Variants in CASK observed in about 807,000 individuals in gnomAD.
CASK encodes calcium/calmodulin dependent serine protein kinase, also known as peripheral plasma membrane protein CASK.
Under a neutral mutation model 82.9 loss-of-function variants are expected in CASK, and 4 were observed. The observed-to-expected ratio is 0.05, with a 90% confidence interval of 0.02 to 0.11. CASK has a LOEUF of 0.11. Among genes scored for constraint, CASK ranks in the 10% least tolerant of loss-of-function variants. The pLI, the probability that CASK is intolerant of heterozygous loss-of-function variation, is 1.00. For missense variants in CASK, 358 were observed against 720.9 expected (o/e 0.50, Z 5.76); for synonymous variants, 259 against 253.5 (o/e 1.02, Z -0.20).
chrX:41,696,125 G>A (rs1314825897), intron 5 of CASK: 8 of 1,204,814 alleles, frequency 6.6e-6, no homozygotes, highest in Non-Finnish European at 9.0e-6. Flanking sequence ...AGCAACGGAA[G>A]GCAATAACAA....
intron 22 of CASK, among the ~76,000 whole-genome samples, chrX:41,538,642 T>G (rs1367738720): frequency 8.9e-6 from 1 of 112,356 alleles, no homozygotes; most frequent in African/African-American, 3.2e-5. Flanking sequence ...TTGCTCATAT[T>G]ACCCTGATTT....
chrX:41,607,422 A>G (rs145687428), intron 12 of CASK, among the ~76,000 whole-genome samples: 191 of 112,668 alleles, frequency 1.7e-3, no homozygotes, highest in African/African-American at 6.0e-3. Context: ...CTACCTGGCA[A>G]TGACCTAAGC....
intron 8 of CASK, among the ~76,000 whole-genome samples, chrX:41,658,106 T>C (rs1441366967): frequency 8.9e-6 from 1 of 111,929 alleles, no homozygotes; most frequent in Non-Finnish European, 1.9e-5. Context: ...CTGGAAGGTG[T>C]TGTGCCTGGG....
chrX:41,676,619 G>T, intron 5 of CASK: 1 of 505,305 alleles, frequency 2.0e-6, no homozygotes, highest in South Asian at 3.3e-5. Flanking sequence ...GTTTTATGTT[G>T]AGCGAGATGG....
At chrX:41,736,096 GA>G (rs756757060) in intron 5 of CASK, among the ~76,000 whole-genome samples, 1 of 111,953 alleles carries the variant, frequency 8.9e-6, no homozygotes, top group Non-Finnish European at 1.9e-5. Context: ...TCTTTTGGAT[GA>G]ATGTCTTAAG....
intron 3 of CASK, among the ~76,000 whole-genome samples, chrX:41,762,682 G>C (rs1178445437): frequency 9.0e-6 from 1 of 111,304 alleles, no homozygotes; most frequent in Non-Finnish European, 1.9e-5. Context: ...TGGCCTCTAT[G>C]ACTCTCAGCT....
chrX:41,539,162 C>T (rs909265598), intron 22 of CASK, among the ~76,000 whole-genome samples: 8 of 111,900 alleles, frequency 7.1e-5, no homozygotes, highest in East Asian at 2.8e-4. Flanking sequence ...TCAAATTCAG[C>T]GAATAGGCTG....
chrX:41,876,978 G>A lies in CASK; in HGVS notation c.60-23751C>T, dbSNP rs190447950. On this transcript the variant is annotated intron_variant, in intron 1 of 26. Coordinates refer to ENST00000378163, the MANE Select transcript of CASK (RefSeq NM_001367721.1). The stretch of plus-strand genomic sequence containing the variant: ...CTAGGGCAAAAGTCAAGACATACGG[G>A]TGTCCAGTTCTAGCTTTGCAACTAA... 2.2e-4 allele frequency among the ~76,000 whole-genome samples: 25 copies of A among 111,771 alleles called. No homozygotes were observed. The East Asian group carries it at 5.9e-3, about 26-fold the overall frequency.
intron 5 of CASK, among the ~76,000 whole-genome samples, chrX:41,701,225 C>T (rs893199747): frequency 7.2e-5 from 8 of 110,778 alleles, no homozygotes; most frequent in Non-Finnish European, 1.5e-4. Context: ...AATAATGAGA[C>T]CATAAAAGAT....
intron 1 of CASK, among the ~76,000 whole-genome samples, chrX:41,901,553 A>C (rs2072381551): frequency 9.0e-6 from 1 of 111,483 alleles, no homozygotes; most frequent in Non-Finnish European, 1.9e-5. Flanking sequence ...TTGGCAGGAA[A>C]AGCCTTTTAC....
chrX:41,845,451 ATTTG>A (rs750598780), intron 2 of CASK, among the ~76,000 whole-genome samples: 75 of 112,012 alleles, frequency 6.7e-4, no homozygotes, highest in African/African-American at 1.5e-3. Flanking sequence ...TTTAGTAACA[ATTTG>A]TTTGACTATT....
intron 8 of CASK, among the ~76,000 whole-genome samples, chrX:41,644,503 A>G (rs921819681): frequency 8.9e-6 from 1 of 111,861 alleles, no homozygotes; most frequent in Non-Finnish European, 1.9e-5. Flanking sequence ...AGGACCTTGT[A>G]ATAATTGCAT....
intron 3 of CASK, among the ~76,000 whole-genome samples, chrX:41,749,437 G>A (rs1329772719): frequency 3.7e-5 from 3 of 82,075 alleles, no homozygotes; most frequent in Non-Finnish European, 6.8e-5. Context: ...CCAGGCTGGA[G>A]TGCAGTGGCG....
chrX:41,862,962 A>G (rs1033062372), intron 1 of CASK, among the ~76,000 whole-genome samples: 2 of 111,703 alleles, frequency 1.8e-5, no homozygotes, highest in African/African-American at 6.5e-5. Context: ...TTTGGAAAAT[A>G]TTGGTTTCCA....
intron 24 of CASK, among the ~76,000 whole-genome samples, chrX:41,534,256 GA>G (rs1005867588): frequency 1.6e-4 from 18 of 111,123 alleles, no homozygotes; most frequent in Non-Finnish European, 2.5e-4. Flanking sequence ...TTAACTAAGG[GA>G]AAAAAATTGT....
chrX:41,777,476 G>A (rs1259793987), intron 3 of CASK, among the ~76,000 whole-genome samples: 3 of 101,017 alleles, frequency 3.0e-5, no homozygotes, highest in Non-Finnish European at 4.0e-5. Flanking sequence ...GCGACAGAGC[G>A]AGACATCGTC....
At chrX:41,701,420 C>G (rs1315615891) in intron 5 of CASK, among the ~76,000 whole-genome samples, 1 of 112,202 alleles carries the variant, frequency 8.9e-6, no homozygotes, top group Non-Finnish European at 1.9e-5. Flanking sequence ...TACTGGAGAG[C>G]CTTTTATTTC....
chrX:41,650,837 C>T (rs1374637940), intron 8 of CASK, among the ~76,000 whole-genome samples: 1 of 111,561 alleles, frequency 9.0e-6, no homozygotes, highest in East Asian at 2.8e-4. Flanking sequence ...CTTACATCCA[C>T]AGTAATGATT....
At chrX:41,647,317 G>C (rs1481767839) in intron 8 of CASK, among the ~76,000 whole-genome samples, 1 of 112,031 alleles carries the variant, frequency 8.9e-6, no homozygotes, top group Non-Finnish European at 1.9e-5. Context: ...ACACCTTCTA[G>C]GTAAAGAAGA....
Sources: gnomAD v4.1 joint callset for allele counts (sites outside exome capture counted in the v4.1 genomes callset) on GRCh38, gnomAD v4.1.1 for gene constraint, MANE v1.5 for transcripts, NCBI Gene and HGNC (gene_info 2026-07-23, HGNC 2026-07-21) for gene names.